The following ATAD2B variants were observed in gnomAD, a reference collection of about 807,000 sequenced individuals.
ATAD2B encodes the protein ATPase family AAA domain-containing protein 2B.
A neutral mutation model predicts 167.6 loss-of-function variants in ATAD2B; 40 were observed. The ratio of observed to expected loss-of-function variants is 0.24; its 90% CI spans 0.19 to 0.31. The LOEUF is 0.31. Among genes scored for constraint, ATAD2B ranks in the 10% least tolerant of loss-of-function variants. The probability of loss-of-function intolerance (pLI) is 1.00; values close to 1 mark genes in which losing one functional copy is unlikely to be tolerated. For missense variants in ATAD2B, 1,242 were observed against 1,757.2 expected, an observed-to-expected ratio of 0.71 and a Z score of 5.24; for synonymous variants, 579 against 596.5, an observed-to-expected ratio of 0.97 and a Z score of 0.43.
chr2:23,758,757 T>A (rs886967486), intron 24 of ATAD2B, among the ~76,000 whole-genome samples: 1 of 152,198 alleles, frequency 6.6e-6, no homozygotes, highest in Non-Finnish European at 1.5e-5. Flanking sequence ...CAAAGTTATT[T>A]GAGAATATGT....
intron 26 of ATAD2B, 82 bp downstream of exon 26, chr2:23,754,565 A>G: frequency 6.6e-7 from 1 of 1,508,016 alleles, no homozygotes; most frequent in African/African-American, 1.4e-5. Context: ...AAGCAGGAAA[A>G]CTACTTTTAC....
chr2:23,925,845 C>T (rs1704688056), intron 1 of ATAD2B, among the ~76,000 whole-genome samples: 1 of 152,188 alleles, frequency 6.6e-6, no homozygotes, highest in South Asian at 2.1e-4. Context: ...ATGGTGCTGA[C>T]TATCCGAAAC....
the ATAD2B span, among the ~76,000 whole-genome samples, chr2:23,726,695 T>A: frequency 6.6e-6 from 1 of 152,206 alleles, no homozygotes; most frequent in Non-Finnish European, 1.5e-5. Flanking sequence ...AATTCTGACA[T>A]GTGCTACAAC....
chr2:23,876,003 G>C, intron 7 of ATAD2B, 99 bp from the exon 8 acceptor site: 1 of 931,344 alleles, frequency 1.1e-6, no homozygotes, highest in Non-Finnish European at 1.6e-6. Context: ...TTTTGTTGTT[G>C]TTGTTTTTTG....
intron 1 of ATAD2B, among the ~76,000 whole-genome samples, chr2:23,904,278 T>C (rs1701203474): frequency 6.6e-6 from 1 of 152,178 alleles, no homozygotes; most frequent in Admixed American, 6.5e-5. Flanking sequence ...AAATATAGTC[T>C]CTCACTAAAA....
intron 1 of ATAD2B, among the ~76,000 whole-genome samples, chr2:23,906,110 G>A (rs559415720): frequency 8.5e-5 from 13 of 152,210 alleles, no homozygotes; most frequent in Non-Finnish European, 1.6e-4. Flanking sequence ...GCAGAGGCGG[G>A]CAGATCAGTT....
Position 23,788,504 on chromosome 2 carries a change from A to T in ATAD2B, c.2776+8T>A. ...CTCCCATTTTCCTAAAGGCTTTACA[A>T]ACTTTACCAGCATGTTTCCTTCGTG... On this transcript the variant is annotated splice_region_variant and intron_variant, in intron 20 of 27. Coordinates refer to ENST00000238789, the MANE Select transcript of ATAD2B (RefSeq NM_017552.4). The T allele has an allele frequency of 6.2e-7, 1 of 1,611,910 alleles. No individual in the cohort carries two copies. The highest frequency in any genetic ancestry group is 8.5e-7 in the Non-Finnish European group (1 of 1,178,810).
At chr2:23,851,231 A>C (rs1372978788) in intron 13 of ATAD2B, among the ~76,000 whole-genome samples, 1 of 151,976 alleles carries the variant, frequency 6.6e-6, no homozygotes, top group Non-Finnish European at 1.5e-5. Flanking sequence ...TGCAGCCTTG[A>C]CCTCCCCAGG....
At chr2:23,793,200 T>A (rs1682084893) in intron 19 of ATAD2B, among the ~76,000 whole-genome samples, 1 of 152,156 alleles carries the variant, frequency 6.6e-6, no homozygotes, top group African/African-American at 2.4e-5. Flanking sequence ...ACATTTAAGA[T>A]AACAAAATGC....
chr2:23,756,648 T>G (rs1275447102), intron 25 of ATAD2B, among the ~76,000 whole-genome samples: 1 of 152,136 alleles, frequency 6.6e-6, no homozygotes, highest in African/African-American at 2.4e-5. Flanking sequence ...CATGTAGCCA[T>G]AAGAAGTCAG....
chr2:23,791,689 A>G (rs1681754775), intron 19 of ATAD2B, among the ~76,000 whole-genome samples: 1 of 152,216 alleles, frequency 6.6e-6, no homozygotes, highest in Non-Finnish European at 1.5e-5. Context: ...TTCAAGCTTC[A>G]TCCATGTTAC....
intron 22 of ATAD2B, among the ~76,000 whole-genome samples, chr2:23,779,984 T>C (rs973566158): frequency 1.3e-5 from 2 of 152,130 alleles, no homozygotes; most frequent in Non-Finnish European, 2.9e-5. Flanking sequence ...CTAGCTCACA[T>C]GGGTAATACC....
At chr2:23,883,755 A>C in intron 6 of ATAD2B, 1 of 376,248 alleles carries the variant, frequency 2.7e-6, no homozygotes, top group South Asian at 2.6e-5. Flanking sequence ...CTCAATCTAA[A>C]CTACACAAAT....
the ATAD2B span, chr2:23,706,711 C>A: frequency 7.3e-7 from 1 of 1,362,194 alleles, no homozygotes; most frequent in Non-Finnish European, 9.7e-7. Context: ...TCTGGTGAGG[C>A]AAGTGCCACG....
chr2:23,785,907 T>A, intron 21 of ATAD2B, 120 bp downstream of exon 21: 1 of 861,184 alleles, frequency 1.2e-6, no homozygotes, highest in East Asian at 2.8e-5. Context: ...ATTAAAATTT[T>A]ATAGGCTAGG....
intron 22 of ATAD2B, among the ~76,000 whole-genome samples, chr2:23,773,434 C>T (rs1678642837): frequency 6.6e-6 from 1 of 152,038 alleles, no homozygotes; most frequent in Non-Finnish European, 1.5e-5. Flanking sequence ...CCAGGGAGGT[C>T]GATGTCTCAA....
intron 24 of ATAD2B, among the ~76,000 whole-genome samples, chr2:23,760,158 A>G (rs1277157233): frequency 1.3e-5 from 2 of 152,210 alleles, no homozygotes; most frequent in Admixed American, 1.3e-4. Flanking sequence ...GTAAGAGAAA[A>G]TGGTCTTAAT....
the ATAD2B span, among the ~76,000 whole-genome samples, chr2:23,737,686 A>C: frequency 1.3e-5 from 2 of 152,236 alleles, no homozygotes; most frequent in East Asian, 3.8e-4. Context: ...CAACGGAACA[A>C]AGCTGGACGC....
intron 7 of ATAD2B, among the ~76,000 whole-genome samples, chr2:23,877,132 A>AT (rs1350835345): frequency 2.6e-5 from 4 of 151,260 alleles, no homozygotes; most frequent in South Asian, 2.1e-4. Context: ...ATCCATTAAA[A>AT]TTTTTTTTTA....
Sources: allele counts gnomAD v4.1 joint callset (sites outside exome capture counted in the v4.1 genomes callset), GRCh38; gene constraint gnomAD v4.1.1; transcripts MANE v1.5; gene names NCBI Gene and HGNC (gene_info 2026-07-23, HGNC 2026-07-21).